Variants in USP5 observed in about 807,000 individuals in gnomAD.
USP5 encodes ubiquitin carboxyl-terminal hydrolase 5.
Under a neutral mutation model 102.5 loss-of-function variants are expected in USP5, and 24 were observed. The observed-to-expected ratio is 0.23, with a 90% confidence interval of 0.17 to 0.33. USP5 has a LOEUF of 0.33. Ranked by LOEUF, USP5 falls within the 10% of genes least tolerant of loss-of-function variation. The pLI, the probability that USP5 is intolerant of heterozygous loss-of-function variation, is 1.00. For missense variants in USP5, 753 were observed against 1,122.1 expected, an observed-to-expected ratio of 0.67 and a Z score of 4.70; for synonymous variants, 460 against 434.8, an observed-to-expected ratio of 1.06 and a Z score of -0.72.
chr12:6,853,536 T>G (rs1944011595), intron 1 of USP5, among the ~76,000 whole-genome samples: 1 of 152,242 alleles, frequency 6.6e-6, no homozygotes, highest in African/African-American at 2.4e-5. Context: ...ACTTCAGAGC[T>G]CCCACATTCT....
chr12:6,859,611 G>T, intron 9 of USP5, 70 bp downstream of exon 9: 3 of 1,463,790 alleles, frequency 2.0e-6, no homozygotes, highest in South Asian at 1.1e-5. Flanking sequence ...CTCCCTGACC[G>T]CCTGGGGGGC....
rs1565534476 is a variant in USP5, at chr12:6,864,746, G to A, written c.2269G>A (p.Asp757Asn). 1.2e-6 allele frequency: 2 copies of A among 1,612,028 alleles called. No homozygotes were observed. Among genetic ancestry groups the A allele is most frequent in the Non-Finnish European group, 8.5e-7 (1 of 1,180,016 alleles). ...ATNNSLERAV[D>N]WIFSHIDDLD... is the part of the protein sequence containing the mutation. ...GAACAATAGTTTAGAACGGGCTGTG[G>A]ACTGGATCTTCAGTCACATTGACGA... The change falls in exon 18 of 20, where the codon GAC becomes AAC. Residue 757 changes from aspartate (D) to asparagine (N), a missense_variant. Asp to Asn is a conservative substitution (Grantham distance 23, BLOSUM62 1). This residue lies in a region of USP5 where 193 missense variants were observed against 230.2 expected (regional missense o/e 0.84). Coordinates refer to ENST00000229268, the MANE Select transcript of USP5 (RefSeq NM_001098536.2). The surrounding 1 kb of genome is among the most constrained non-coding windows in gnomAD (Gnocchi z 4.8).
In USP5 at chr12:6,861,678, C is replaced by T; in HGVS notation, c.1673+61C>T. 2 of 1,409,982 alleles carry T rather than the reference C, an allele frequency of 1.4e-6. No individual in the cohort carries two copies. The highest frequency in any genetic ancestry group is 1.9e-6 in the Non-Finnish European group (2 of 1,075,374). 87.3% of individuals were successfully genotyped at this position (1,409,982 alleles called of 1,614,324 possible). On this transcript the variant is annotated intron_variant, in intron 13 of 19. Transcript: ENST00000229268. The surrounding 1 kb of genome is among the most constrained non-coding windows in gnomAD (Gnocchi z 4.9). Reference sequence around the variant, plus strand: ...TATGGCAGAGCTATCCCAGAGGATACTTCTGTCTCTTCCCTGTTCTTTCAT... The same window carrying T: ...TATGGCAGAGCTATCCCAGAGGATATTTCTGTCTCTTCCCTGTTCTTTCAT...
chr12:6,859,618 G>A, intron 9 of USP5, 77 bp downstream of exon 9: 8 of 1,406,314 alleles, frequency 5.7e-6, no homozygotes, highest in African/African-American at 1.4e-5. Context: ...ACCGCCTGGG[G>A]GGCACAGCAC....
rs1382829910 is a variant in USP5, at chr12:6,866,382, CT to C, written c.*306del. On this transcript the variant is annotated 3_prime_UTR_variant, in exon 20 of 20. Transcript: ENST00000229268. This position sits in a 1 kb window ranked among gnomAD's most constrained non-coding sequence, Gnocchi z 4.7. ...TCTCTGTGTCGCCCCGCCCAGCCCC[CT>C]GGTGTGGAGGGAGGGGTCTCGTTTG... The C allele has an allele frequency of 5.4e-6, 2 of 372,538 alleles. No individual in the cohort carries two copies. The highest frequency in any genetic ancestry group is 1.0e-5 in the Non-Finnish European group (2 of 197,806). 23.1% of individuals were successfully genotyped at this position (372,538 alleles called of 1,614,324 possible).
rs782124978 is a variant in USP5 at position 6,864,173 on chromosome 12, C to T, written c.2222C>T (p.Ala741Val). Reference sequence around the variant, plus strand: ...TCCATGGGCTTCTCCCGGGACCAGGCCTTGAAAGCGCTGCGGGCCACGGTA... The same window carrying T: ...TCCATGGGCTTCTCCCGGGACCAGGTCTTGAAAGCGCTGCGGGCCACGGTA... ...IVSMGFSRDQ[A>V]LKALRATNNS... The change falls in exon 17 of 20, where the codon GCC becomes GTC. Residue 741 changes from alanine (A) to valine (V), a missense_variant. Transcript: ENST00000229268. This position sits in a 1 kb window ranked among gnomAD's most constrained non-coding sequence, Gnocchi z 4.8. 41 of 1,611,470 alleles carry T rather than the reference C, an allele frequency of 2.5e-5. No individual in the cohort carries two copies. The highest frequency in any genetic ancestry group is 1.6e-4 in the Middle Eastern group (1 of 6,072).
In USP5 at chr12:6,858,274, G is replaced by A; in HGVS notation, c.865-150G>A. On this transcript the variant is annotated intron_variant, in intron 7 of 19. Transcript: ENST00000229268. The surrounding 1 kb of genome is among the most constrained non-coding windows in gnomAD (Gnocchi z 4.2). The stretch of plus-strand genomic sequence containing the variant: ...GTGTGGCCTTCCAGAACTTGAACTG[G>A]ACGATACTCAACATACCTCCCATGT... 1.3e-6 allele frequency: 1 copy of A among 757,998 alleles called. No homozygotes were observed. Among genetic ancestry groups the A allele is most frequent in the Non-Finnish European group, 2.1e-6 (1 of 487,278 alleles). 47.0% of individuals were successfully genotyped at this position (757,998 alleles called of 1,614,324 possible).
chr12:6,856,149 G>T lies in USP5; in HGVS notation c.437G>T (p.Arg146Leu). Reference protein sequence around the residue: ...LGGLPDIVRDRVTSAVEALLS... With the variant: ...LGGLPDIVRDLVTSAVEALLS... ...GGACTGCCTGACATTGTCAGAGATC[G>T]GGTATGACTGCCCCCTATGCTACCC... The change falls in exon 4 of 20, where the codon CGG (arginine) becomes CTG (leucine). Residue 146 changes from arginine (R) to leucine (L), a missense_variant and splice_region_variant. By Grantham distance (102) the Arg-to-Leu change is moderately radical. Around this residue, in one of 3 missense-constraint regions of USP5, gnomAD observed 527 missense variants for 816.5 expected, o/e 0.65. Coordinates refer to ENST00000229268, the MANE Select transcript of USP5 (RefSeq NM_001098536.2). The surrounding 1 kb of genome is among the most constrained non-coding windows in gnomAD (Gnocchi z 5.6). 2 of 1,614,056 alleles carry T rather than the reference G, an allele frequency of 1.2e-6. No individual in the cohort carries two copies. The highest frequency in any genetic ancestry group is 1.7e-6 in the Non-Finnish European group (2 of 1,180,002).
At chr12:6,854,251 C>G (rs1944042947) in intron 1 of USP5, among the ~76,000 whole-genome samples, 1 of 152,114 alleles carries the variant, frequency 6.6e-6, no homozygotes, top group South Asian at 2.1e-4. Flanking sequence ...GGGACTTCAG[C>G]AGGGATCTTA....
chr12:6,852,294 A>G lies in USP5; in HGVS notation c.111+4A>G. ...CGCCTTCTCCTTCGACACGCCGGTA[A>G]GCCCATTCCCCACGCCCGCAACGAG... On this transcript the variant is annotated splice_donor_region_variant and intron_variant, in intron 1 of 19. Transcript: ENST00000229268. 2 of 1,605,668 alleles carry G rather than the reference A, an allele frequency of 1.2e-6. No homozygotes were observed. Among genetic ancestry groups the G allele is most frequent in the African/African-American group, 1.3e-5 (1 of 75,020 alleles).
chr12:6,861,489 G>A lies in USP5; in HGVS notation c.1545G>A (p.Glu515=). The A allele has an allele frequency of 6.3e-7, 1 of 1,596,124 alleles. No individual in the cohort carries two copies. The highest frequency in any genetic ancestry group is 1.3e-5 in the African/African-American group (1 of 74,632). The change falls in exon 13 of 20, where the codon GAG becomes GAA. Residue 515 remains glutamate (E), a synonymous_variant. Coordinates refer to ENST00000229268, the MANE Select transcript of USP5 (RefSeq NM_001098536.2). This position sits in a 1 kb window ranked among gnomAD's most constrained non-coding sequence, Gnocchi z 4.9. The stretch of plus-strand genomic sequence containing the variant: ...AGAAGAAGCGGCAAGCCGAAGAGGA[G>A]AAGATGGCACTGCCAGAACTGGTTC... ...YEEKKRQAEE[E]KMALPELVRA... is the part of the protein sequence containing the mutation.
At position 6,858,660 on chromosome 12, in the gene USP5, C is replaced by T; in HGVS notation, c.1058+43C>T. The T allele has an allele frequency of 6.4e-7, 1 of 1,554,650 alleles. No homozygotes were observed. The highest frequency in any genetic ancestry group is 1.1e-5 in the South Asian group (1 of 87,368). Reference sequence around the variant, plus strand: ...CTTCCCCAGGCCCCCTCCTGGTCAGCACCCTCTGGGCATACTCCTCCTTCA... The same window carrying T: ...CTTCCCCAGGCCCCCTCCTGGTCAGTACCCTCTGGGCATACTCCTCCTTCA... On this transcript the variant is annotated intron_variant, in intron 8 of 19. Coordinates refer to ENST00000229268, the MANE Select transcript of USP5 (RefSeq NM_001098536.2). The surrounding 1 kb of genome is among the most constrained non-coding windows in gnomAD (Gnocchi z 4.2).
rs113090296 is a variant in USP5 at position 6,864,581 on chromosome 12, T to C, written c.2245-141T>C. ...GTGGGCGTCTGTAGTCCCAGCTACT[T>C]GGGAGGCTGAGGCAGGAGAAAGGCG... On this transcript the variant is annotated intron_variant, in intron 17 of 19. Transcript: ENST00000229268. This position sits in a 1 kb window ranked among gnomAD's most constrained non-coding sequence, Gnocchi z 4.8. 1.2e-5 allele frequency: 11 copies of C among 926,672 alleles called. No individual in the cohort carries two copies. The highest frequency in any genetic ancestry group is 1.0e-4 in the African/African-American group (6 of 59,992). 57.4% of individuals were successfully genotyped at this position (926,672 alleles called of 1,614,324 possible).
Position 6,861,361 on chromosome 12 carries a change from G to A in USP5, c.1499-82G>A, listed in dbSNP as rs1369949812. The A allele has an allele frequency of 3.0e-5, 44 of 1,461,336 alleles. No individual in the cohort carries two copies. The highest frequency in any genetic ancestry group is 1.3e-4 in the Admixed American group (6 of 45,560). 90.5% of individuals were successfully genotyped at this position (1,461,336 alleles called of 1,614,324 possible). A position where few individuals can be genotyped will look rare whatever the true frequency, so the allele number is the denominator to read the frequency against. ...TGGAAGGGTAGAGGAACTGAAATAC[G>A]GACACAGAGCCAGTAGGGAGAGGCT... On this transcript the variant is annotated intron_variant, in intron 12 of 19. Coordinates refer to ENST00000229268, the MANE Select transcript of USP5 (RefSeq NM_001098536.2). This position sits in a 1 kb window ranked among gnomAD's most constrained non-coding sequence, Gnocchi z 4.9.
chr12:6,856,566 G>A lies in USP5; in HGVS notation c.584+116G>A. The A allele has an allele frequency of 1.3e-6, 2 of 1,542,754 alleles. No homozygotes were observed. Among genetic ancestry groups the A allele is most frequent in the Non-Finnish European group, 1.7e-6 (2 of 1,146,822 alleles). ...GGAGCAGGACAGGAAGGGAAGCTTG[G>A]AAATGAACACGACATGGGGATGGCC... is the stretch of plus-strand genomic sequence containing the variant. On this transcript the variant is annotated intron_variant, in intron 5 of 19. Transcript: ENST00000229268. The surrounding 1 kb of genome is among the most constrained non-coding windows in gnomAD (Gnocchi z 5.6).
At position 6,856,404 on chromosome 12, in the gene USP5, G is replaced by T; in HGVS notation, c.538G>T (p.Ala180Ser). Residue 180 changes from alanine (A) to serine (S), a missense_variant, in exon 5 of 20, where the codon GCC (alanine) becomes TCC (serine). By Grantham distance (99) the Ala-to-Ser change is moderately conservative. Around this residue, in one of 3 missense-constraint regions of USP5, gnomAD observed 527 missense variants for 816.5 expected, o/e 0.65. Coordinates refer to ENST00000229268, the MANE Select transcript of USP5 (RefSeq NM_001098536.2). This position sits in a 1 kb window ranked among gnomAD's most constrained non-coding sequence, Gnocchi z 5.6. ...GGAAGTACGGCAGGTGTCTAAGCAT[G>T]CCTTCAGCCTCAAGCAGTTGGACAA... The part of the protein sequence containing the change: ...DGEVRQVSKH[A>S]FSLKQLDNPA... 4 of 1,613,904 alleles carry T rather than the reference G, an allele frequency of 2.5e-6. No homozygotes were observed. The East Asian group carries it at 8.9e-5, about 36-fold the overall frequency.
rs1944344561 is a variant in USP5, at chr12:6,863,769, G to A, written c.1955-61G>A. ...TGGAAGAGGGCTGGGTCCTGGGGGA[G>A]GGAGGAGGAGCAAACAGTGGCCCAA... is the stretch of plus-strand genomic sequence containing the variant. On this transcript the variant is annotated intron_variant, in intron 15 of 19. Transcript: ENST00000229268. This position sits in a 1 kb window ranked among gnomAD's most constrained non-coding sequence, Gnocchi z 4.7. 1 of 1,510,542 alleles carries A rather than the reference G, an allele frequency of 6.6e-7. No individual in the cohort carries two copies. The highest frequency in any genetic ancestry group is 2.2e-5 in the Admixed American group (1 of 45,666). The allele number at this position is 1,510,542 out of a possible 1,614,324, so 93.6% of individuals were successfully genotyped here.
chr12:6,863,019 C>T lies in USP5; in HGVS notation c.1763-167C>T. 1 of 636,234 alleles carries T rather than the reference C, an allele frequency of 1.6e-6. No homozygotes were observed. Among genetic ancestry groups the T allele is most frequent in the Non-Finnish European group, 2.6e-6 (1 of 388,082 alleles). 39.4% of individuals were successfully genotyped at this position (636,234 alleles called of 1,614,324 possible). ...ACCAGCATCCTGGCCTCCCAACTCC[C>T]AGGCTTAGTATTATTTGTCTTATAC... On this transcript the variant is annotated intron_variant, in intron 14 of 19. Coordinates refer to ENST00000229268, the MANE Select transcript of USP5 (RefSeq NM_001098536.2). The surrounding 1 kb of genome is among the most constrained non-coding windows in gnomAD (Gnocchi z 4.7).
At chr12:6,854,339 A>T in intron 1 of USP5, among the ~76,000 whole-genome samples, 1 of 152,236 alleles carries the variant, frequency 6.6e-6, no homozygotes, top group Non-Finnish European at 1.5e-5. Context: ...GACTGGGTGC[A>T]TGTTTAGCTG....
Sources: allele counts gnomAD v4.1 joint callset (sites outside exome capture counted in the v4.1 genomes callset), GRCh38; gene constraint gnomAD v4.1.1; regional missense constraint gnomAD v4.1.1; non-coding constraint Gnocchi (gnomAD v3.1); transcripts MANE v1.5; gene names NCBI Gene and HGNC (gene_info 2026-07-23, HGNC 2026-07-21).